The following SOBP variants were observed in gnomAD, a reference collection of about 807,000 sequenced individuals.
SOBP encodes the protein sine oculis-binding protein homolog.
Under a neutral mutation model 53.6 loss-of-function variants are expected in SOBP, and 4 were observed. The observed-to-expected ratio is 0.07, with a 90% confidence interval of 0.04 to 0.17. The LOEUF (loss-of-function observed/expected upper bound fraction) is 0.17. SOBP is among the 10% of genes least tolerant of loss of function. The pLI is 1.00. For missense variants in SOBP, 1,088 were observed against 1,204.7 expected (o/e 0.90, Z 1.43); for synonymous variants, 584 against 522.6 (o/e 1.12, Z -1.60).
chr6:107,490,711 A>ACC lies in SOBP; in HGVS notation c.95_96insCC (p.Lys32AsnfsTer9). On this transcript the variant is annotated frameshift_variant and splice_region_variant, in exon 1 of 7. Coordinates refer to ENST00000317357, the MANE Select transcript of SOBP (RefSeq NM_018013.4). LOFTEE classifies it high-confidence loss of function. ...AAAAGGGAGATCAATGAGGAGATGAAGGTATTTTTTGATCTCGGGGGCCAG... is the reference window on the plus strand; with the variant it reads ...AAAAGGGAGATCAATGAGGAGATGAACCGGTATTTTTTGATCTCGGGGGCCAG... 4 of 1,598,162 alleles carry ACC rather than the reference A, an allele frequency of 2.5e-6. No homozygotes were observed. The highest frequency in any genetic ancestry group is 2.6e-6 in the Non-Finnish European group (3 of 1,171,132).
chr6:107,624,910 A>G (rs1222581975), intron 5 of SOBP, among the ~76,000 whole-genome samples: 1 of 152,260 alleles, frequency 6.6e-6, no homozygotes. Context: ...TTAGTCACCT[A>G]TCTTAATCCT....
At chr6:107,508,742 G>A (rs1053566109) in intron 3 of SOBP, among the ~76,000 whole-genome samples, 3 of 152,196 alleles carry the variant, frequency 2.0e-5, no homozygotes, top group Admixed American at 6.5e-5. Flanking sequence ...TCCTTTGGTT[G>A]ATTGTTTTGT....
intron 5 of SOBP, among the ~76,000 whole-genome samples, chr6:107,595,975 G>C (rs1475179703): frequency 6.6e-6 from 1 of 152,048 alleles, no homozygotes; most frequent in Non-Finnish European, 1.5e-5. Context: ...TGTATTTTTT[G>C]CACACTTCCT....
intron 5 of SOBP, among the ~76,000 whole-genome samples, chr6:107,610,971 G>T (rs1409514195): frequency 6.6e-6 from 1 of 152,252 alleles, no homozygotes; most frequent in East Asian, 1.9e-4. Context: ...AAAACAAAAT[G>T]ATTCTGGCAG....
intron 4 of SOBP, among the ~76,000 whole-genome samples, chr6:107,583,206 CA>C (rs1785458637): frequency 6.6e-6 from 1 of 152,178 alleles, no homozygotes; most frequent in Non-Finnish European, 1.5e-5. Flanking sequence ...CTCATTCTTA[CA>C]GATCACTTAC....
Position 107,634,373 on chromosome 6 carries a change from G to A in SOBP, c.1529G>A (p.Gly510Glu). Reference protein sequence around the residue: ...PMPVPQMMNFGLPSLAPLVPP... With the variant: ...PMPVPQMMNFELPSLAPLVPP... Reference sequence around the variant, plus strand: ...CCGGTGCCCCAGATGATGAATTTCGGGCTGCCGTCGCTTGCCCCGCTGGTG... The same window carrying A: ...CCGGTGCCCCAGATGATGAATTTCGAGCTGCCGTCGCTTGCCCCGCTGGTG... Residue 510 changes from glycine to glutamate, a missense_variant, in exon 6 of 7, where the codon GGG becomes GAG. This residue lies in a region of SOBP where 665 missense variants were observed against 629.7 expected (regional missense o/e 1.06). Coordinates refer to ENST00000317357, the MANE Select transcript of SOBP (RefSeq NM_018013.4). This position sits in a 1 kb window ranked among gnomAD's most constrained non-coding sequence, Gnocchi z 4.5. 6.3e-7 allele frequency: 1 copy of A among 1,594,768 alleles called. No homozygotes were observed. The highest frequency in any genetic ancestry group is 8.5e-7 in the Non-Finnish European group (1 of 1,177,112).
At chr6:107,562,164 G>A (rs1784791486) in intron 4 of SOBP, among the ~76,000 whole-genome samples, 3 of 151,768 alleles carry the variant, frequency 2.0e-5, no homozygotes, top group Admixed American at 2.0e-4. Flanking sequence ...CTGAGTAGCT[G>A]GAATTACAGG....
At chr6:107,592,329 G>A (rs1398366451) in intron 5 of SOBP, among the ~76,000 whole-genome samples, 2 of 152,168 alleles carry the variant, frequency 1.3e-5, no homozygotes, top group Non-Finnish European at 2.9e-5. Context: ...TCTCACAGTA[G>A]TGAGGGGAAA....
At chr6:107,521,152 T>C (rs1016310843) in intron 3 of SOBP, among the ~76,000 whole-genome samples, 5 of 147,158 alleles carry the variant, frequency 3.4e-5, no homozygotes, top group African/African-American at 1.3e-4. Flanking sequence ...CACTGGGAGG[T>C]AGAGATATTG....
chr6:107,553,723 T>C (rs1784532464), intron 4 of SOBP, among the ~76,000 whole-genome samples: 1 of 152,096 alleles, frequency 6.6e-6, no homozygotes, highest in Non-Finnish European at 1.5e-5. Context: ...CCTGACCTCG[T>C]GATCCACCCG....
At chr6:107,542,828 T>TTCTGACAC (rs1337659756) in intron 4 of SOBP, among the ~76,000 whole-genome samples, 10 of 152,144 alleles carry the variant, frequency 6.6e-5, no homozygotes, top group Admixed American at 2.0e-4. Context: ...TGGGTAAGTG[T>TTCTGACAC]TCTGACACAG....
intron 1 of SOBP, among the ~76,000 whole-genome samples, chr6:107,494,239 T>C (rs990700715): frequency 6.6e-6 from 1 of 152,222 alleles, no homozygotes; most frequent in South Asian, 2.1e-4. Context: ...ATGTTGTGAT[T>C]GTGTCTAATG....
chr6:107,645,985 A>T (rs1393413664), intron 6 of SOBP, among the ~76,000 whole-genome samples: 1 of 152,190 alleles, frequency 6.6e-6, no homozygotes, highest in Non-Finnish European at 1.5e-5. Context: ...GTAGAACAGG[A>T]GTTTGGGGAA....
At chr6:107,614,607 A>G (rs1786714786) in intron 5 of SOBP, among the ~76,000 whole-genome samples, 1 of 152,218 alleles carries the variant, frequency 6.6e-6, no homozygotes, top group South Asian at 2.1e-4. Flanking sequence ...ACACTTTTAT[A>G]AAGTAGTGAG....
intron 3 of SOBP, among the ~76,000 whole-genome samples, chr6:107,525,877 C>T (rs1783645084): frequency 6.6e-6 from 1 of 152,180 alleles, no homozygotes; most frequent in African/African-American, 2.4e-5. Flanking sequence ...TTTCTAGTCT[C>T]TCCAAATTCT....
intron 5 of SOBP, among the ~76,000 whole-genome samples, chr6:107,612,827 G>GATATTC (rs1194934768): frequency 1.3e-5 from 2 of 152,086 alleles, no homozygotes; most frequent in African/African-American, 4.8e-5. Flanking sequence ...TAGATGTTAT[G>GATATTC]TACAAGTGGA....
intron 5 of SOBP, among the ~76,000 whole-genome samples, chr6:107,627,437 C>A (rs1489143525): frequency 6.6e-6 from 1 of 152,152 alleles, no homozygotes; most frequent in Non-Finnish European, 1.5e-5. Flanking sequence ...GTGACCTGGG[C>A]CAAGATTTCT....
At chr6:107,569,686 GT>G (rs1785016467) in intron 4 of SOBP, among the ~76,000 whole-genome samples, 1 of 152,232 alleles carries the variant, frequency 6.6e-6, no homozygotes, top group African/African-American at 2.4e-5. Flanking sequence ...GAATGTGTAT[GT>G]AGTACAGTAT....
At chr6:107,517,999 A>T (rs1191496959) in intron 3 of SOBP, among the ~76,000 whole-genome samples, 3 of 152,214 alleles carry the variant, frequency 2.0e-5, no homozygotes, top group African/African-American at 7.2e-5. Context: ...TAGTTAAATT[A>T]TACTCATATC....
Sources: allele counts gnomAD v4.1 joint callset (sites outside exome capture counted in the v4.1 genomes callset), GRCh38; gene constraint gnomAD v4.1.1; regional missense constraint gnomAD v4.1.1; non-coding constraint Gnocchi (gnomAD v3.1); transcripts MANE v1.5; gene names NCBI Gene and HGNC (gene_info 2026-07-23, HGNC 2026-07-21).